The following ASMTL variants were observed in gnomAD, a reference collection of about 807,000 sequenced individuals.
The protein encoded by ASMTL is probable bifunctional dTTP/UTP pyrophosphatase/methyltransferase protein.
Under a neutral mutation model 60.3 loss-of-function variants are expected in ASMTL, and 57 were observed. The ratio of observed to expected loss-of-function variants is 0.95; its 90% CI spans 0.76 to 1.18. The LOEUF (loss-of-function observed/expected upper bound fraction) is 1.18. ASMTL is among the 50% of genes most tolerant of loss of function. The probability of loss-of-function intolerance (pLI) is 0.00; values close to 1 mark genes in which losing one functional copy is unlikely to be tolerated. For missense variants in ASMTL, 981 were observed against 852.6 expected, an observed-to-expected ratio of 1.15 and a Z score of -1.88; for synonymous variants, 419 against 373.0, an observed-to-expected ratio of 1.12 and a Z score of -1.42.
chrX:1,452,909 G>C lies in ASMTL; in HGVS notation c.-69C>G. On this transcript the variant is annotated 5_prime_UTR_variant, in exon 1 of 13. Transcript: ENST00000381317. ...AGCCCGCGGTGCGCGCAGCGCGGCT[G>C]CAAAAAAAACAGGCGGCCAGAGTCC... is the stretch of plus-strand genomic sequence containing the variant. 1 of 1,286,670 alleles carries C rather than the reference G, an allele frequency of 7.8e-7. No homozygotes were observed. Among genetic ancestry groups the C allele is most frequent in the Non-Finnish European group, 1.0e-6 (1 of 964,556 alleles). 79.7% of individuals were successfully genotyped at this position (1,286,670 alleles called of 1,614,324 possible).
At chrX:1,403,531 CG>C in intron 12 of ASMTL, 42 bp from the exon 13 acceptor site, 1 of 1,582,948 alleles carries the variant, frequency 6.3e-7, no homozygotes, top group Non-Finnish European at 8.7e-7. Context: ...GCCAGCCAGG[CG>C]GGGATCCTTC....
At chrX:1,442,131 C>CGG in intron 2 of ASMTL, 55 bp downstream of exon 2, 1 of 1,590,658 alleles carries the variant, frequency 6.3e-7, no homozygotes, top group Non-Finnish European at 8.6e-7. Flanking sequence ...ACCCGCAAAT[C>CGG]CCCTCATCAC....
At chrX:1,442,453 C>T (rs780228820) in intron 1 of ASMTL, 136 bp from the exon 2 acceptor site, 5 of 991,240 alleles carry the variant, frequency 5.0e-6, no homozygotes, top group South Asian at 3.2e-5. Context: ...CATCCATCCG[C>T]CAAGCTTTCC....
intron 1 of ASMTL, among the ~76,000 whole-genome samples, chrX:1,442,534 C>T (rs1484494013): frequency 6.6e-6 from 1 of 151,836 alleles, no homozygotes; most frequent in Non-Finnish European, 1.5e-5. Flanking sequence ...CGCGGACTGA[C>T]CAGGGGCCTT....
intron 8 of ASMTL, among the ~76,000 whole-genome samples, chrX:1,423,000 T>C (rs1485000693): frequency 6.6e-6 from 1 of 152,172 alleles, no homozygotes; most frequent in Non-Finnish European, 1.5e-5. Context: ...TCCCCCAGGC[T>C]GGAGTGCAGT....
chrX:1,431,618 T>A (rs778212494), intron 6 of ASMTL, among the ~76,000 whole-genome samples: 9 of 142,194 alleles, frequency 6.3e-5, no homozygotes, highest in African/African-American at 2.3e-4. Flanking sequence ...TAGTATATAA[T>A]ACAATATATT....
rs1288493508 is a variant in ASMTL at position 1,430,551 on chromosome X, G to A, written c.509+1718C>T. On this transcript the variant is annotated intron_variant, in intron 6 of 12. Coordinates refer to ENST00000381317, the MANE Select transcript of ASMTL (RefSeq NM_004192.4). ...CTCAGGAGGCTTTGGTGGAAGGATCGCCTGAGCCCAGGAGTTCAAGACCAG... is the reference window on the plus strand; with the variant it reads ...CTCAGGAGGCTTTGGTGGAAGGATCACCTGAGCCCAGGAGTTCAAGACCAG... 1.2e-4 allele frequency among the ~76,000 whole-genome samples: 18 copies of A among 151,858 alleles called. No homozygotes were observed. In the South Asian group the frequency reaches 1.2e-3, roughly 11 times the overall value.
intron 8 of ASMTL, among the ~76,000 whole-genome samples, chrX:1,423,366 G>A (rs143828925): frequency 6.6e-6 from 1 of 152,168 alleles, no homozygotes; most frequent in African/African-American, 2.4e-5. Flanking sequence ...ACAGCCTTTG[G>A]AGCCTCAACC....
At chrX:1,453,021 A>G (rs1298934452), upstream of ASMTL, 2 of 539,658 alleles carry the variant, frequency 3.7e-6, no homozygotes, top group Middle Eastern at 4.8e-4. Context: ...GACCGCGCCC[A>G]GGCCACGCCT....
At chrX:1,437,503 T>A (rs2090999980) in intron 3 of ASMTL, among the ~76,000 whole-genome samples, 1 of 151,784 alleles carries the variant, frequency 6.6e-6, no homozygotes, top group Admixed American at 6.6e-5. Flanking sequence ...CACAGGGTCG[T>A]CCCTCTGTGT....
chrX:1,419,224 C>T, intron 9 of ASMTL, 110 bp from the exon 10 acceptor site: 1 of 1,286,422 alleles, frequency 7.8e-7, no homozygotes, highest in Non-Finnish European at 1.1e-6. Flanking sequence ...CGTGGGGGCT[C>T]AGCCGCGCCT....
intron 7 of ASMTL, among the ~76,000 whole-genome samples, chrX:1,426,272 C>A (rs1293923530): frequency 7.9e-5 from 12 of 152,116 alleles, no homozygotes; most frequent in Non-Finnish European, 1.6e-4. Flanking sequence ...TGTTTATAAA[C>A]CACCTGGTGG....
rs1339277723 is a variant in ASMTL at position 1,432,309 on chromosome X, C to T, written c.469G>A (p.Glu157Lys). Residue 157 changes from glutamate to lysine, a missense_variant, in exon 6 of 13, where the codon GAG becomes AAG. Glu to Lys is a moderately conservative substitution (Grantham distance 56, BLOSUM62 1). Transcript: ENST00000381317. ...TGGACGTATTCCCAGAGCAGCTCCT[C>T]GGACAGCTCCGAGAACTTCACCTTC... is the stretch of plus-strand genomic sequence containing the variant. ...ETKVKFSELS[E>K]ELLWEYVHSG... 9 of 1,613,018 alleles carry T rather than the reference C, an allele frequency of 5.6e-6. No homozygotes were observed. The highest frequency in any genetic ancestry group is 5.5e-5 in the South Asian group (5 of 91,018).
At chrX:1,434,313 G>T (rs1285244381) in intron 5 of ASMTL, among the ~76,000 whole-genome samples, 1 of 151,582 alleles carries the variant, frequency 6.6e-6, no homozygotes, top group Non-Finnish European at 1.5e-5. Context: ...AACATAGCAA[G>T]ACCGCACCTC....
chrX:1,439,315 C>T (rs1353952851), intron 2 of ASMTL, 171 bp from the exon 3 acceptor site: 12 of 165,734 alleles, frequency 7.2e-5, no homozygotes, highest in South Asian at 2.0e-4. Context: ...TGGGTCCCGC[C>T]GGTGGTCGCC....
intron 8 of ASMTL, among the ~76,000 whole-genome samples, chrX:1,422,650 C>G (rs2090513031): frequency 6.6e-6 from 1 of 152,058 alleles, no homozygotes; most frequent in East Asian, 1.9e-4. Flanking sequence ...AAACAGATGG[C>G]CTCGCACCAC....
chrX:1,412,264 G>A (rs1245827551), intron 12 of ASMTL, among the ~76,000 whole-genome samples: 14 of 151,954 alleles, frequency 9.2e-5, no homozygotes, highest in East Asian at 7.7e-4. Flanking sequence ...ATCTCACTCC[G>A]TCGCCCAGGC....
rs775275941 is a variant in ASMTL, at chrX:1,418,082, ACGGGCCAGCTCT to A, written c.1401_1412del (p.Leu469_Glu472del). The A allele has an allele frequency of 7.4e-6, 12 of 1,611,650 alleles. No individual in the cohort carries two copies. Among genetic ancestry groups the A allele is most frequent in the African/African-American group, 4.0e-5 (3 of 74,990 alleles). On this transcript the variant is annotated inframe_deletion, in exon 11 of 13. Transcript: ENST00000381317. Reference sequence around the variant, plus strand: ...CAGTCACCTGCATACGAGGGTACTCACGGGCCAGCTCTCGGGCCAGTGCACCCGTGCAGCCTG... The same window carrying A: ...CAGTCACCTGCATACGAGGGTACTCACGGGCCAGTGCACCCGTGCAGCCTG...
chrX:1,431,455 TATA>T (rs1400799497), intron 6 of ASMTL, among the ~76,000 whole-genome samples: 2 of 127,590 alleles, frequency 1.6e-5, no homozygotes, highest in East Asian at 4.1e-4. Context: ...CAGTATATAT[TATA>T]ATAGATGGTA....
Sources: allele counts gnomAD v4.1 joint callset (sites outside exome capture counted in the v4.1 genomes callset), GRCh38; gene constraint gnomAD v4.1.1; transcripts MANE v1.5; gene names NCBI Gene and HGNC (gene_info 2026-07-23, HGNC 2026-07-21).